The following FBXO15 variants were observed in gnomAD, a reference collection of about 807,000 sequenced individuals.
The protein encoded by FBXO15 is F-box only protein 15.
A neutral mutation model predicts 49.5 loss-of-function variants in FBXO15; 30 were observed. The observed-to-expected ratio is 0.61, with a 90% CI of 0.45 to 0.82. The LOEUF is 0.82. Among genes scored for constraint, FBXO15 ranks in the 40% least tolerant of loss-of-function variants. The pLI, the probability that FBXO15 is intolerant of heterozygous loss-of-function variation, is 0.00. For missense variants in FBXO15, 591 were observed against 631.5 expected, an observed-to-expected ratio of 0.94 and a Z score of 0.69; for synonymous variants, 250 against 232.7, an observed-to-expected ratio of 1.07 and a Z score of -0.68.
rs190418467 is a variant in FBXO15, at chr18:74,080,947, T to C, written c.1263+980A>G. On this transcript the variant is annotated intron_variant, in intron 9 of 9. Coordinates refer to ENST00000419743, the MANE Select transcript of FBXO15 (RefSeq NM_001142958.2). ...TCAAGGTCTATTTTGACGTGAATAT[T>C]TTATCTTAGTACCTACTTTTATTAT... Among the ~76,000 whole-genome samples the C allele has an allele frequency of 1.2e-3, 183 of 152,332 alleles. 1 individual carries two copies. The highest frequency in any genetic ancestry group is 6.8e-3 in the Middle Eastern group (2 of 294).
chr18:74,106,981 A>G (rs565311241), intron 8 of FBXO15, among the ~76,000 whole-genome samples: 2 of 152,310 alleles, frequency 1.3e-5, no homozygotes, highest in South Asian at 4.1e-4. Flanking sequence ...TATTGTTCAC[A>G]TAATGTTGTC....
intron 9 of FBXO15, chr18:74,078,420 G>C (rs915312780): frequency 1.3e-4 from 20 of 150,170 alleles, no homozygotes; most frequent in African/African-American, 5.0e-4. Flanking sequence ...AGGCAGGACA[G>C]CCAGCTAGGA....
intron 1 of FBXO15, among the ~76,000 whole-genome samples, chr18:74,144,532 G>A (rs1280113674): frequency 1.3e-5 from 2 of 152,132 alleles, no homozygotes; most frequent in African/African-American, 2.4e-5. Context: ...CAGAACTCTT[G>A]CAAAGAAACT....
In FBXO15 at chr18:74,075,199, C is replaced by T. The variant is rs1912210646; in HGVS notation, c.1264-1469G>A. 6.6e-6 allele frequency among the ~76,000 whole-genome samples: 1 copy of T among 152,196 alleles called. No homozygotes were observed. The highest frequency in any genetic ancestry group is 2.1e-4 in the South Asian group (1 of 4,830). ...CCTCATCCCCTCCCTCAGCCCTCTGCATCCTGCTAGGAGGGTGATCTCTGC... is the reference window on the plus strand; with the variant it reads ...CCTCATCCCCTCCCTCAGCCCTCTGTATCCTGCTAGGAGGGTGATCTCTGC... On this transcript the variant is annotated intron_variant, in intron 9 of 9. Coordinates refer to ENST00000419743, the MANE Select transcript of FBXO15 (RefSeq NM_001142958.2). The surrounding 1 kb of genome is among the most constrained non-coding windows in gnomAD (Gnocchi z 4.1).
chr18:74,101,209 T>C (rs112162192), intron 8 of FBXO15, among the ~76,000 whole-genome samples: 2,489 of 152,218 alleles, frequency 0.016, 62 homozygotes, highest in African/African-American at 0.057. Flanking sequence ...TAATCCACCA[T>C]GATCAAGTGG....
intron 8 of FBXO15, among the ~76,000 whole-genome samples, chr18:74,087,859 C>T (rs1295759157): frequency 6.6e-6 from 1 of 152,192 alleles, no homozygotes; most frequent in Non-Finnish European, 1.5e-5. Context: ...CTTTTCTCCA[C>T]AACCTTGTGA....
At chr18:74,110,154 CAT>C (rs1360230836) in intron 8 of FBXO15, among the ~76,000 whole-genome samples, 1 of 133,150 alleles carries the variant, frequency 7.5e-6, no homozygotes, top group African/African-American at 2.9e-5. Context: ...AATATATATA[CAT>C]ATGTGTGCAT....
At chr18:74,107,155 T>C (rs1329098400) in intron 8 of FBXO15, among the ~76,000 whole-genome samples, 2 of 148,738 alleles carry the variant, frequency 1.3e-5, no homozygotes, top group African/African-American at 5.0e-5. Flanking sequence ...TAATTGAAAA[T>C]AATTAAATAT....
At chr18:74,116,003 T>C (rs915151073) in intron 8 of FBXO15, among the ~76,000 whole-genome samples, 5 of 152,362 alleles carry the variant, frequency 3.3e-5, no homozygotes, top group Admixed American at 2.0e-4. Flanking sequence ...AAGACCTGGA[T>C]GGTGATCACA....
chr18:74,127,732 A>G (rs1021390268), intron 5 of FBXO15, among the ~76,000 whole-genome samples: 1 of 152,206 alleles, frequency 6.6e-6, no homozygotes, highest in African/African-American at 2.4e-5. Context: ...AATTACATCA[A>G]ATGAATTTTC....
intron 4 of FBXO15, among the ~76,000 whole-genome samples, chr18:74,130,074 C>T (rs920869209): frequency 3.3e-5 from 5 of 152,160 alleles, no homozygotes; most frequent in African/African-American, 7.2e-5. Flanking sequence ...CACCTCCTCC[C>T]GTATTCTTTA....
chr18:74,129,225 G>C (rs924593090), intron 5 of FBXO15, among the ~76,000 whole-genome samples, 180 bp downstream of exon 5: 2 of 152,126 alleles, frequency 1.3e-5, no homozygotes, highest in African/African-American at 4.8e-5. Context: ...GTTAAATTTA[G>C]ACCTAATCAG....
intron 9 of FBXO15, among the ~76,000 whole-genome samples, chr18:74,080,375 A>G (rs889477313): frequency 6.6e-6 from 1 of 152,240 alleles, no homozygotes; most frequent in Non-Finnish European, 1.5e-5. Flanking sequence ...CCCAAGGGAG[A>G]AGGTACAAGC....
In FBXO15 at chr18:74,073,544, C is replaced by T; in HGVS notation, c.1450G>A (p.Glu484Lys). Residue 484 changes from glutamate (E) to lysine (K), a missense_variant, in exon 10 of 10, where the codon GAG (glutamate) becomes AAG (lysine). Transcript: ENST00000419743. ...RVHVELVWIR[E>K]TEEYLIVNLV... The stretch of plus-strand genomic sequence containing the variant: ...TTGACAATAAGGTATTCTTCGGTCT[C>T]TCTGATCCACACCAGCTCCACGTGC... The T allele has an allele frequency of 6.2e-7, 1 of 1,614,224 alleles. No homozygotes were observed. Among genetic ancestry groups the T allele is most frequent in the Non-Finnish European group, 8.5e-7 (1 of 1,180,050 alleles).
intron 2 of FBXO15, among the ~76,000 whole-genome samples, chr18:74,137,570 G>A (rs182013034): frequency 1.3e-5 from 2 of 152,316 alleles, no homozygotes; most frequent in East Asian, 3.9e-4. Flanking sequence ...AGCAAAAGGA[G>A]AAAATCTCTA....
chr18:74,137,126 A>G (rs1346777454), intron 2 of FBXO15, among the ~76,000 whole-genome samples: 1 of 152,202 alleles, frequency 6.6e-6, no homozygotes, highest in Admixed American at 6.5e-5. Context: ...ATCTCCAGCT[A>G]TAGTTAACCA....
Position 74,126,011 on chromosome 18 carries a change from GA to G in FBXO15, c.875del (p.Phe292SerfsTer36). 1.9e-6 allele frequency: 3 copies of G among 1,614,118 alleles called. No individual in the cohort carries two copies. The highest frequency in any genetic ancestry group is 2.5e-6 in the Non-Finnish European group (3 of 1,179,988). On this transcript the variant is annotated frameshift_variant, in exon 6 of 10. Transcript: ENST00000419743. LOFTEE classifies it high-confidence loss of function. Reference sequence around the variant, plus strand: ...CCACCAGGAGGCCAGGGTGCAGGCAGAAGATCCGAATGAGTCTGTCACAGCC... The same window carrying G: ...CCACCAGGAGGCCAGGGTGCAGGCAGAGATCCGAATGAGTCTGTCACAGCC... ...MIGCDRLIRI[F>X]CLHPGLLVGV...
chr18:74,085,990 C>T (rs905631552), intron 8 of FBXO15, among the ~76,000 whole-genome samples: 13 of 152,054 alleles, frequency 8.5e-5, no homozygotes, highest in Admixed American at 3.3e-4. Context: ...ATCAGATGTA[C>T]AAACCAAGAA....
chr18:74,080,906 C>T (rs1912465056), intron 9 of FBXO15, among the ~76,000 whole-genome samples: 1 of 152,184 alleles, frequency 6.6e-6, no homozygotes, highest in East Asian at 1.9e-4. Context: ...CATTCACATT[C>T]TGCCTTTCTT....
Sources: allele counts gnomAD v4.1 joint callset (sites outside exome capture counted in the v4.1 genomes callset), GRCh38; gene constraint gnomAD v4.1.1; non-coding constraint Gnocchi (gnomAD v3.1); transcripts MANE v1.5; gene names NCBI Gene and HGNC (gene_info 2026-07-23, HGNC 2026-07-21).